The following COL19A1 variants were observed in gnomAD, a reference collection of about 807,000 sequenced individuals.
COL19A1 encodes collagen type XIX alpha 1 chain, also known as collagen alpha-1(XIX) chain.
COL19A1 carries 159 observed loss-of-function variants against 190.2 expected under a neutral mutation model. The observed-to-expected ratio is 0.84, with a 90% confidence interval of 0.73 to 0.95. The LOEUF (loss-of-function observed/expected upper bound fraction) is 0.95, where lower values mean the gene tolerates loss of function less well. COL19A1 is among the 40% of genes least tolerant of loss of function. The pLI, the probability that COL19A1 is intolerant of heterozygous loss-of-function variation, is 0.00. For missense variants in COL19A1, 1,418 were observed against 1,431.9 expected (o/e 0.99, Z 0.16); for synonymous variants, 509 against 458.9 (o/e 1.11, Z -1.39).
chr6:69,883,534 AT>A (rs1415261454), intron 2 of COL19A1, among the ~76,000 whole-genome samples: 2 of 152,210 alleles, frequency 1.3e-5, no homozygotes, highest in Admixed American at 6.5e-5. Context: ...GTGTGGAGAT[AT>A]GTGCATTTTA....
chr6:70,199,723 C>T lies in COL19A1; in HGVS notation c.3210C>T (p.Asp1070=). 1.2e-6 allele frequency: 2 copies of T among 1,608,436 alleles called. No homozygotes were observed. The highest frequency in any genetic ancestry group is 1.7e-6 in the Non-Finnish European group (2 of 1,177,078). ...GKDGLPGPPG[D]PGPQGYRGQK... ...ATGGGTTGCCTGGGCCACCAGGAGACCCTGGACCCCAAGGTAAGTCTTCAA... is the reference window on the plus strand; with the variant it reads ...ATGGGTTGCCTGGGCCACCAGGAGATCCTGGACCCCAAGGTAAGTCTTCAA... The change falls in exon 49 of 51, where the codon GAC becomes GAT. Residue 1070 remains aspartate, a synonymous_variant. Coordinates refer to ENST00000620364, the MANE Select transcript of COL19A1 (RefSeq NM_001858.6).
At chr6:70,072,843 C>A (rs902602514) in intron 15 of COL19A1, among the ~76,000 whole-genome samples, 1 of 152,062 alleles carries the variant, frequency 6.6e-6, no homozygotes, top group Non-Finnish European at 1.5e-5. Context: ...AGCTGGGAGC[C>A]TACAAAAGTA....
intron 18 of COL19A1, among the ~76,000 whole-genome samples, chr6:70,135,533 C>A (rs1014063971): frequency 6.6e-6 from 1 of 152,112 alleles, no homozygotes; most frequent in Non-Finnish European, 1.5e-5. Context: ...GGGAGGAAGA[C>A]CAAATATGTA....
chr6:70,152,040 C>T (rs986791310), intron 31 of COL19A1, among the ~76,000 whole-genome samples: 3 of 150,776 alleles, frequency 2.0e-5, no homozygotes, highest in Non-Finnish European at 4.4e-5. Flanking sequence ...TTATCTCTAA[C>T]ACTTCCCTGT....
rs552780947 is a variant in COL19A1 at position 70,128,819 on chromosome 6, G to A, written c.1342-1363G>A. ...CTAATTGGCTTTACCCAAAGGAAGA[G>A]TAAACTTTCTCATATCTTTGTGACA... is the stretch of plus-strand genomic sequence containing the variant. On this transcript the variant is annotated intron_variant, in intron 17 of 50. Transcript: ENST00000620364. Among the ~76,000 whole-genome samples the A allele has an allele frequency of 2.4e-4, 36 of 152,322 alleles. No homozygotes were observed. The South Asian group carries it at 7.3e-3, about 31-fold the overall frequency.
At chr6:69,921,420 T>TATATC (rs1771847544) in intron 4 of COL19A1, among the ~76,000 whole-genome samples, 4 of 115,432 alleles carry the variant, frequency 3.5e-5, no homozygotes, top group African/African-American at 1.6e-4. Context: ...TCATATATCA[T>TATATC]ATATATCATA....
intron 15 of COL19A1, among the ~76,000 whole-genome samples, chr6:70,095,386 C>T (rs1407389837): frequency 1.3e-5 from 2 of 151,942 alleles, no homozygotes. Flanking sequence ...TGGAGGTTTT[C>T]CTAGAGACAT....
At chr6:70,146,732 G>A in intron 26 of COL19A1, 29 bp downstream of exon 26, 2 of 1,598,134 alleles carry the variant, frequency 1.3e-6, no homozygotes, top group South Asian at 1.1e-5. Flanking sequence ...TAATTTTTAA[G>A]GAATGAATAA....
At chr6:69,961,345 T>G (rs1050089512) in intron 10 of COL19A1, among the ~76,000 whole-genome samples, 2 of 152,240 alleles carry the variant, frequency 1.3e-5, no homozygotes, top group Non-Finnish European at 2.9e-5. Context: ...CTTCTGAATT[T>G]CTTCACAGCA....
chr6:70,200,819 T>C (rs1189816891), intron 49 of COL19A1, among the ~76,000 whole-genome samples: 1 of 152,200 alleles, frequency 6.6e-6, no homozygotes, highest in Non-Finnish European at 1.5e-5. Flanking sequence ...TATAACCTTA[T>C]AACCTATGAC....
At chr6:70,065,393 C>T (rs559176307) in intron 14 of COL19A1, among the ~76,000 whole-genome samples, 1 of 152,300 alleles carries the variant, frequency 6.6e-6, no homozygotes, top group Non-Finnish European at 1.5e-5. Context: ...GCTGGGAAAA[C>T]GGGCTAGCCG....
In COL19A1 at chr6:70,114,440, A is replaced by G. The variant is rs113203243; in HGVS notation, c.1279-7440A>G. Among the ~76,000 whole-genome samples, 493 of 152,298 alleles carry G rather than the reference A, an allele frequency of 3.2e-3. 11 individuals are homozygous for G. The highest frequency in any genetic ancestry group is 0.011 in the African/African-American group (477 of 41,568). ...TGAGTCAGATATTTAGTCTTTTGTT[A>G]TGTGTAAAATAAGGAAACACCACCT... On this transcript the variant is annotated intron_variant, in intron 16 of 50. Coordinates refer to ENST00000620364, the MANE Select transcript of COL19A1 (RefSeq NM_001858.6).
chr6:70,104,196 G>T (rs1047888234), intron 16 of COL19A1, among the ~76,000 whole-genome samples: 3 of 152,142 alleles, frequency 2.0e-5, no homozygotes, highest in African/African-American at 7.2e-5. Flanking sequence ...CATGAGCTGG[G>T]TGTCTGCATT....
chr6:69,919,694 T>C (rs1371212683), intron 4 of COL19A1, among the ~76,000 whole-genome samples: 1 of 152,122 alleles, frequency 6.6e-6, no homozygotes, highest in Non-Finnish European at 1.5e-5. Context: ...TAAAATGTTA[T>C]TTTTTATCCA....
intron 16 of COL19A1, among the ~76,000 whole-genome samples, chr6:70,107,215 A>G (rs1784030685): frequency 6.6e-6 from 1 of 152,162 alleles, no homozygotes; most frequent in African/African-American, 2.4e-5. Flanking sequence ...TTTACAGTTC[A>G]ACTAAGATTA....
Position 70,208,085 on chromosome 6 carries a change from G to C in COL19A1, c.*811G>C, listed in dbSNP as rs1768003587. 6.6e-6 allele frequency: 1 copy of C among 152,134 alleles called. No individual in the cohort carries two copies. Among genetic ancestry groups the C allele is most frequent in the East Asian group, 1.9e-4 (1 of 5,198 alleles). 9.4% of individuals were successfully genotyped at this position (152,134 alleles called of 1,614,324 possible). ...GTCCCCTCACTCAGTCTCTCATTTG[G>C]TAAACAGAAAGCTGTTTTCCCTACA... On this transcript the variant is annotated 3_prime_UTR_variant, in exon 51 of 51. Transcript: ENST00000620364.
At chr6:69,994,067 C>G (rs1208046890) in intron 11 of COL19A1, among the ~76,000 whole-genome samples, 1 of 151,626 alleles carries the variant, frequency 6.6e-6, no homozygotes, top group Non-Finnish European at 1.5e-5. Flanking sequence ...TGAGATTTTT[C>G]TAGCTTTATT....
At chr6:70,099,020 G>A (rs1208658336) in intron 15 of COL19A1, among the ~76,000 whole-genome samples, 3 of 132,838 alleles carry the variant, frequency 2.3e-5, no homozygotes, top group Non-Finnish European at 4.6e-5. Context: ...CCAGGAGTTC[G>A]AGACCAGCCT....
intron 11 of COL19A1, among the ~76,000 whole-genome samples, chr6:69,965,963 C>T (rs1775066576): frequency 6.6e-6 from 1 of 152,136 alleles, no homozygotes; most frequent in South Asian, 2.1e-4. Flanking sequence ...CCTTAGATTC[C>T]TTCAGTACTA....
Sources: allele counts gnomAD v4.1 joint callset (sites outside exome capture counted in the v4.1 genomes callset), GRCh38; gene constraint gnomAD v4.1.1; transcripts MANE v1.5; gene names NCBI Gene and HGNC (gene_info 2026-07-23, HGNC 2026-07-21).